Variants in OPCML observed in about 807,000 individuals in gnomAD.
OPCML encodes opioid binding protein/cell adhesion molecule like, also known as opioid-binding protein/cell adhesion molecule.
OPCML carries 13 observed loss-of-function variants against 37.8 expected under a neutral mutation model. The ratio of observed to expected loss-of-function variants is 0.34; its 90% CI spans 0.22 to 0.55. OPCML has a LOEUF of 0.55. OPCML is among the 20% of genes least tolerant of loss of function. OPCML has a pLI of 0.91. For synonymous variants in OPCML, 176 were observed against 168.8 expected, an observed-to-expected ratio of 1.04 and a Z score of -0.33; for missense variants, 341 against 435.6, an observed-to-expected ratio of 0.78 and a Z score of 1.93.
intron 3 of OPCML, among the ~76,000 whole-genome samples, chr11:132,606,039 G>T (rs772347219): frequency 3.3e-5 from 5 of 152,078 alleles, no homozygotes; most frequent in Non-Finnish European, 5.9e-5. Context: ...TGGTACTTGG[G>T]TCCTTTTTCT....
chr11:132,599,372 GAAGA>G (rs1428125431), intron 3 of OPCML, among the ~76,000 whole-genome samples: 2 of 12,480 alleles, frequency 1.6e-4, no homozygotes, highest in Non-Finnish European at 3.0e-4. Flanking sequence ...GGAGGAGGAG[GAAGA>G]AGGAGGAAGA....
intron 1 of OPCML, among the ~76,000 whole-genome samples, chr11:133,259,153 T>A (rs1477820539): frequency 1.3e-5 from 2 of 152,180 alleles, no homozygotes; most frequent in East Asian, 3.9e-4. Context: ...TGAGGTGCAG[T>A]GACAGGAAAT....
intron 2 of OPCML, among the ~76,000 whole-genome samples, chr11:132,703,746 T>A (rs1017594942): frequency 1.3e-5 from 2 of 152,178 alleles, no homozygotes; most frequent in Non-Finnish European, 2.9e-5. Context: ...GGACTGGAAC[T>A]TGGGTCCATG....
intron 2 of OPCML, among the ~76,000 whole-genome samples, chr11:132,680,538 G>C (rs988163642): frequency 6.6e-6 from 1 of 152,198 alleles, no homozygotes; most frequent in African/African-American, 2.4e-5. Context: ...AAGAGAAAAA[G>C]GCCCTGGCTG....
At chr11:133,120,253 C>G (rs992563574) in intron 1 of OPCML, among the ~76,000 whole-genome samples, 3 of 152,186 alleles carry the variant, frequency 2.0e-5, no homozygotes, top group Non-Finnish European at 2.9e-5. Context: ...CACGCACACA[C>G]ATTTACTGAG....
In OPCML at chr11:132,436,394, G is replaced by A. The variant is rs539173577; in HGVS notation, c.765-157C>T. The A allele has an allele frequency of 5.1e-6, 5 of 984,278 alleles. No homozygotes were observed. The South Asian group carries it at 2.4e-4, about 46-fold the overall frequency. 61.0% of individuals were successfully genotyped at this position (984,278 alleles called of 1,614,324 possible). On this transcript the variant is annotated intron_variant, in intron 6 of 7. Transcript: ENST00000524381. ...GGGAAATGATGCTCTTGCCCAATGG[G>A]ATAAATGTACTGGCTTCTAATTCCC...
chr11:132,901,678 G>C (rs1377759455), intron 2 of OPCML, among the ~76,000 whole-genome samples: 1 of 152,136 alleles, frequency 6.6e-6, no homozygotes, highest in Non-Finnish European at 1.5e-5. Flanking sequence ...AGATGGGCAC[G>C]GTGCGTCCTC....
At chr11:133,196,031 C>T (rs1040192833) in intron 1 of OPCML, among the ~76,000 whole-genome samples, 3 of 152,082 alleles carry the variant, frequency 2.0e-5, no homozygotes, top group African/African-American at 4.8e-5. Context: ...TGTTAAATTC[C>T]TTTGCAAGAA....
intron 1 of OPCML, among the ~76,000 whole-genome samples, chr11:133,111,006 G>A (rs377721111): frequency 2.0e-5 from 3 of 152,128 alleles, no homozygotes; most frequent in Non-Finnish European, 2.9e-5. Flanking sequence ...TATGGTTTTT[G>A]ATGAGAAAAA....
intron 1 of OPCML, among the ~76,000 whole-genome samples, chr11:133,218,565 C>T (rs754962760): frequency 1.3e-5 from 2 of 152,146 alleles, no homozygotes; most frequent in Non-Finnish European, 2.9e-5. Flanking sequence ...TGCATGTAAG[C>T]TTGGACTGGT....
intron 2 of OPCML, among the ~76,000 whole-genome samples, chr11:132,680,165 C>A (rs2135848808): frequency 6.6e-6 from 1 of 152,260 alleles, no homozygotes; most frequent in East Asian, 1.9e-4. Context: ...CGTGATCAAG[C>A]CATTGTGCAA....
chr11:133,068,471 C>A (rs1413944627), intron 1 of OPCML, among the ~76,000 whole-genome samples: 1 of 152,220 alleles, frequency 6.6e-6, no homozygotes, highest in African/African-American at 2.4e-5. Flanking sequence ...TCTTCCAGTA[C>A]ATTCTTCATC....
At chr11:132,888,233 AT>A (rs1207332693) in intron 2 of OPCML, among the ~76,000 whole-genome samples, 1 of 152,196 alleles carries the variant, frequency 6.6e-6, no homozygotes, top group Non-Finnish European at 1.5e-5. Context: ...GTCTCACCCC[AT>A]ACCACAAGGC....
chr11:133,420,174 G>T, intron 1 of OPCML: 1 of 786,174 alleles, frequency 1.3e-6, no homozygotes, highest in Non-Finnish European at 1.5e-6. Context: ...CACATACACA[G>T]ACAAACACAC....
chr11:133,334,619 C>T (rs1943700810), intron 1 of OPCML, among the ~76,000 whole-genome samples: 1 of 152,150 alleles, frequency 6.6e-6, no homozygotes, highest in Admixed American at 6.5e-5. Flanking sequence ...TGTAACAAAC[C>T]TTCACATGGA....
intron 1 of OPCML, among the ~76,000 whole-genome samples, chr11:133,017,412 T>A (rs1947354404): frequency 1.3e-5 from 2 of 152,064 alleles, no homozygotes; most frequent in South Asian, 4.2e-4. Context: ...TTATTTTTTT[T>A]TTTGAGATGA....
chr11:132,673,908 C>G (rs1180408864), intron 2 of OPCML, among the ~76,000 whole-genome samples: 1 of 152,164 alleles, frequency 6.6e-6, no homozygotes, highest in African/African-American at 2.4e-5. Flanking sequence ...TCCTTCCTTC[C>G]CTTTTCTCTC....
At chr11:133,137,711 A>G (rs1395262239) in intron 1 of OPCML, among the ~76,000 whole-genome samples, 1 of 152,188 alleles carries the variant, frequency 6.6e-6, no homozygotes, top group Non-Finnish European at 1.5e-5. Flanking sequence ...TTAACATTTT[A>G]TGTCCTTCCT....
At chr11:132,501,094 G>A in intron 4 of OPCML, among the ~76,000 whole-genome samples, 1 of 91,792 alleles carries the variant, frequency 1.1e-5, no homozygotes, top group Middle Eastern at 4.5e-3. Context: ...TGGGCCAAAT[G>A]GTATTTCTGC....
Sources: allele counts gnomAD v4.1 joint callset (sites outside exome capture counted in the v4.1 genomes callset), GRCh38; gene constraint gnomAD v4.1.1; transcripts MANE v1.5; gene names NCBI Gene and HGNC (gene_info 2026-07-23, HGNC 2026-07-21).